Variants in COL24A1 observed in about 807,000 individuals in gnomAD.
COL24A1 encodes the protein collagen alpha-1(XXIV) chain.
Under a neutral mutation model 253.9 loss-of-function variants are expected in COL24A1, and 224 were observed. The observed-to-expected ratio is 0.88, with a 90% CI of 0.79 to 0.99. The LOEUF (loss-of-function observed/expected upper bound fraction) is 0.99. Ranked by LOEUF, COL24A1 falls within the 50% of genes least tolerant of loss-of-function variation. The pLI, the probability that COL24A1 is intolerant of heterozygous loss-of-function variation, is 0.00. For synonymous variants in COL24A1, 685 were observed against 673.7 expected (o/e 1.02, Z -0.26); for missense variants, 2,131 against 2,068.5 (o/e 1.03, Z -0.59).
At chr1:85,866,440 T>C (rs1197558537) in intron 37 of COL24A1, among the ~76,000 whole-genome samples, 1 of 152,078 alleles carries the variant, frequency 6.6e-6, no homozygotes, top group Non-Finnish European at 1.5e-5. Flanking sequence ...AGTATATAAG[T>C]GAAATTATAT....
intron 1 of COL24A1, among the ~76,000 whole-genome samples, chr1:86,150,051 T>A (rs1259720055): frequency 6.6e-6 from 1 of 152,200 alleles, no homozygotes; most frequent in African/African-American, 2.4e-5. Context: ...CTACCCCTGA[T>A]ATCTCCAAAG....
intron 24 of COL24A1, among the ~76,000 whole-genome samples, chr1:85,956,942 G>A (rs963539837): frequency 7.9e-5 from 12 of 152,032 alleles, no homozygotes; most frequent in Non-Finnish European, 1.3e-4. Flanking sequence ...ACTAGAAAAC[G>A]GCCAGAGAAA....
intron 55 of COL24A1, among the ~76,000 whole-genome samples, chr1:85,747,693 A>T (rs1665400516): frequency 6.6e-6 from 1 of 152,184 alleles, no homozygotes; most frequent in Admixed American, 6.5e-5. Context: ...AGAGATATGT[A>T]GTAGGAAAAA....
At chr1:85,919,456 A>T (rs1436168680) in intron 24 of COL24A1, among the ~76,000 whole-genome samples, 1 of 152,198 alleles carries the variant, frequency 6.6e-6, no homozygotes, top group Admixed American at 6.5e-5. Flanking sequence ...AGGCAGGAGG[A>T]TTGCTTGAAG....
In COL24A1 at chr1:86,134,750, A is replaced by G. The variant is rs189420639; in HGVS notation, c.122-8536T>C. Reference sequence around the variant, plus strand: ...AATTTTTGTTCTTTTACGTTTGCCGAGGAGTGCTCTACTTCTAACTATGTG... The same window carrying G: ...AATTTTTGTTCTTTTACGTTTGCCGGGGAGTGCTCTACTTCTAACTATGTG... On this transcript the variant is annotated intron_variant, in intron 2 of 59. Coordinates refer to ENST00000370571, the MANE Select transcript of COL24A1 (RefSeq NM_152890.7). 5.7e-3 allele frequency among the ~76,000 whole-genome samples: 41 copies of G among 7,196 alleles called. 3 individuals are homozygous for G. The highest frequency in any genetic ancestry group is 6.3e-3 in the African/African-American group (36 of 5,676). 4.7% of individuals were successfully genotyped at this position (7,196 alleles called of 152,430 possible). A position where few individuals can be genotyped will look rare whatever the true frequency, so the allele number is the denominator to read the frequency against.
At chr1:86,135,871 T>C (rs1557777417) in intron 2 of COL24A1, among the ~76,000 whole-genome samples, 2 of 152,092 alleles carry the variant, frequency 1.3e-5, no homozygotes, top group Admixed American at 6.6e-5. Context: ...TGTATATTTC[T>C]ACTTGTGCTG....
At chr1:85,757,623 C>T (rs1422811109) in intron 55 of COL24A1, among the ~76,000 whole-genome samples, 1 of 152,106 alleles carries the variant, frequency 6.6e-6, no homozygotes, top group Non-Finnish European at 1.5e-5. Context: ...AACACTTGGC[C>T]ACTCAAAAAT....
intron 7 of COL24A1, among the ~76,000 whole-genome samples, chr1:86,064,932 A>C (rs909982110): frequency 7.6e-6 from 1 of 131,610 alleles, no homozygotes; most frequent in East Asian, 2.0e-4. Context: ...GCCTAATTAC[A>C]TAACATATTA....
intron 2 of COL24A1, among the ~76,000 whole-genome samples, chr1:86,126,553 G>T (rs950550592): frequency 1.3e-5 from 2 of 151,960 alleles, no homozygotes; most frequent in Non-Finnish European, 2.9e-5. Context: ...GCTCACTGCA[G>T]CCTTGATATC....
intron 47 of COL24A1, among the ~76,000 whole-genome samples, chr1:85,810,869 T>A (rs781302748): frequency 6.6e-5 from 10 of 152,098 alleles, no homozygotes; most frequent in Non-Finnish European, 1.2e-4. Context: ...AATCACCCAG[T>A]CTCAGGTATT....
intron 38 of COL24A1, 23 bp from the exon 39 acceptor site, chr1:85,847,795 A>G: frequency 6.7e-7 from 1 of 1,483,034 alleles, no homozygotes; most frequent in Non-Finnish European, 9.4e-7. Context: ...TTATTAAGAG[A>G]GAAAAGCAAG....
chr1:85,740,455 C>G (rs1244298501), intron 57 of COL24A1, among the ~76,000 whole-genome samples: 1 of 140,842 alleles, frequency 7.1e-6, no homozygotes, highest in African/African-American at 2.5e-5. Context: ...ATTCTACCTT[C>G]TCTCTCTTTT....
intron 7 of COL24A1, among the ~76,000 whole-genome samples, chr1:86,083,390 T>C (rs1037964171): frequency 5.3e-5 from 8 of 151,910 alleles, no homozygotes; most frequent in African/African-American, 1.9e-4. Context: ...ATCAACTCTG[T>C]ATCATATATG....
At chr1:85,741,297 T>C (rs1426432872) in intron 57 of COL24A1, among the ~76,000 whole-genome samples, 2 of 152,146 alleles carry the variant, frequency 1.3e-5, no homozygotes, top group Non-Finnish European at 2.9e-5. Flanking sequence ...TGGTTGTTGA[T>C]TGTGTGCTGG....
intron 19 of COL24A1, among the ~76,000 whole-genome samples, chr1:85,989,049 A>T (rs763134338): frequency 5.3e-5 from 8 of 152,224 alleles, no homozygotes; most frequent in South Asian, 2.1e-4. Flanking sequence ...GGCAATTTTT[A>T]AAAAACTAGA....
At chr1:85,914,221 TA>T (rs1685640563) in intron 24 of COL24A1, among the ~76,000 whole-genome samples, 1 of 152,130 alleles carries the variant, frequency 6.6e-6, no homozygotes, top group Non-Finnish European at 1.5e-5. Context: ...AAGGTAGTTT[TA>T]AATACCTGCT....
chr1:85,758,082 C>T (rs1004872252), intron 55 of COL24A1, among the ~76,000 whole-genome samples: 1 of 152,120 alleles, frequency 6.6e-6, no homozygotes, highest in African/African-American at 2.4e-5. Flanking sequence ...TCATAATTCT[C>T]TCCAAATCAT....
intron 28 of COL24A1, among the ~76,000 whole-genome samples, chr1:85,903,728 T>A (rs544945514): frequency 9.3e-4 from 141 of 152,238 alleles, no homozygotes; most frequent in Non-Finnish European, 1.5e-3. Flanking sequence ...TTATGGGCAA[T>A]AACTAAATTC....
intron 43 of COL24A1, among the ~76,000 whole-genome samples, chr1:85,835,361 A>G (rs1338350906): frequency 6.6e-6 from 1 of 151,980 alleles, no homozygotes; most frequent in Admixed American, 6.6e-5. Flanking sequence ...CGATCTCCTG[A>G]CCTCGTGATC....
Sources: gnomAD v4.1 joint callset for allele counts (sites outside exome capture counted in the v4.1 genomes callset) on GRCh38, gnomAD v4.1.1 for gene constraint, MANE v1.5 for transcripts, NCBI Gene and HGNC (gene_info 2026-07-23, HGNC 2026-07-21) for gene names.